SEMA3A: variants seen among roughly 807,000 people sequenced by gnomAD.
The protein encoded by SEMA3A is semaphorin-3A.
A neutral mutation model predicts 97.9 loss-of-function variants in SEMA3A; 29 were observed. The ratio of observed to expected loss-of-function variants is 0.30; its 90% CI spans 0.22 to 0.40. The LOEUF (loss-of-function observed/expected upper bound fraction) is 0.40, where lower values mean the gene tolerates loss of function less well. SEMA3A is among the 10% of genes least tolerant of loss of function. The pLI, the probability that SEMA3A is intolerant of heterozygous loss-of-function variation, is 1.00. For missense variants in SEMA3A, 763 were observed against 951.3 expected (o/e 0.80, Z 2.60); for synonymous variants, 321 against 323.7 (o/e 0.99, Z 0.09).
intron 1 of SEMA3A, among the ~76,000 whole-genome samples, chr7:84,387,044 T>C (rs1803416886): frequency 6.6e-6 from 1 of 151,976 alleles, no homozygotes; most frequent in African/African-American, 2.4e-5. Flanking sequence ...AATTATAGCT[T>C]ATTAGCTGTG....
At chr7:84,468,161 T>A (rs1806053395) in intron 1 of SEMA3A, among the ~76,000 whole-genome samples, 1 of 152,228 alleles carries the variant, frequency 6.6e-6, no homozygotes, top group Non-Finnish European at 1.5e-5. Flanking sequence ...GTTGGTAGCA[T>A]CCACTACTGT....
At chr7:84,252,078 T>C (rs1464814975) in intron 3 of SEMA3A, among the ~76,000 whole-genome samples, 1 of 152,134 alleles carries the variant, frequency 6.6e-6, no homozygotes, top group Non-Finnish European at 1.5e-5. Context: ...TGAATACTCA[T>C]CCGAATCCAG....
chr7:84,206,112 A>G (rs1482646278), intron 3 of SEMA3A, among the ~76,000 whole-genome samples: 2 of 152,164 alleles, frequency 1.3e-5, no homozygotes, highest in African/African-American at 4.8e-5. Context: ...CAGCTAGATC[A>G]TATTGCCTTT....
Position 84,116,441 on chromosome 7 carries a change from A to G in SEMA3A, c.334-5852T>C, listed in dbSNP as rs536785003. Among the ~76,000 whole-genome samples the G allele has an allele frequency of 7.2e-5, 11 of 152,306 alleles. No individual in the cohort carries two copies. The South Asian group carries it at 1.9e-3, about 26-fold the overall frequency. ...TTTTACAATATAAAAAGGTTTGAAA[A>G]GAAGTCAAATGCCCATAGGGTAAAT... On this transcript the variant is annotated intron_variant, in intron 3 of 16. Transcript: ENST00000265362.
chr7:84,317,168 A>G (rs1233543218), intron 2 of SEMA3A, among the ~76,000 whole-genome samples: 1 of 152,198 alleles, frequency 6.6e-6, no homozygotes, highest in Non-Finnish European at 1.5e-5. Flanking sequence ...TTATGGGAGT[A>G]TACAGATTCT....
chr7:84,359,360 T>C (rs972941832), intron 2 of SEMA3A, among the ~76,000 whole-genome samples: 1 of 152,182 alleles, frequency 6.6e-6, no homozygotes, highest in Non-Finnish European at 1.5e-5. Flanking sequence ...GGTTGTTGAA[T>C]TTTGTCAAAG....
chr7:84,025,329 C>A (rs1026358482), intron 6 of SEMA3A, among the ~76,000 whole-genome samples: 3 of 152,216 alleles, frequency 2.0e-5, no homozygotes, highest in African/African-American at 7.2e-5. Flanking sequence ...ATAATTATCA[C>A]CAGATGACTG....
chr7:84,004,227 G>A (rs1427876504), intron 11 of SEMA3A, among the ~76,000 whole-genome samples: 1 of 151,580 alleles, frequency 6.6e-6, no homozygotes, highest in Non-Finnish European at 1.5e-5. Context: ...ATTTGTAACC[G>A]GGACTTTCAA....
intron 3 of SEMA3A, among the ~76,000 whole-genome samples, chr7:84,206,550 C>T (rs933769416): frequency 1.3e-5 from 2 of 152,044 alleles, no homozygotes; most frequent in Non-Finnish European, 2.9e-5. Flanking sequence ...TTGCGATCTC[C>T]TGACCTCGTG....
intron 1 of SEMA3A, among the ~76,000 whole-genome samples, chr7:84,449,882 A>C (rs949946532): frequency 6.6e-6 from 1 of 152,156 alleles, no homozygotes; most frequent in Non-Finnish European, 1.5e-5. Context: ...ATATCCTCAA[A>C]GTCCATCCAC....
chr7:84,224,944 CT>C, intron 3 of SEMA3A, among the ~76,000 whole-genome samples: 1 of 151,528 alleles, frequency 6.6e-6, no homozygotes, highest in Non-Finnish European at 1.5e-5. Flanking sequence ...TAAGATGATC[CT>C]GCTTTATAGC....
intron 3 of SEMA3A, among the ~76,000 whole-genome samples, chr7:84,127,765 T>C (rs2116013367): frequency 6.6e-6 from 1 of 152,306 alleles, no homozygotes; most frequent in East Asian, 1.9e-4. Context: ...TACATCATTG[T>C]AGGCAACTGT....
chr7:84,080,139 T>C (rs1307150173), intron 4 of SEMA3A, among the ~76,000 whole-genome samples: 2 of 116,342 alleles, frequency 1.7e-5, no homozygotes, highest in Non-Finnish European at 3.3e-5. Flanking sequence ...CACTCATAGA[T>C]GGGAATTGAA....
chr7:84,306,756 C>A (rs1801166031), intron 3 of SEMA3A: 1 of 152,098 alleles, frequency 6.6e-6, no homozygotes, highest in South Asian at 2.1e-4. Context: ...ACTGACTTCA[C>A]CCTGAGTGTG....
chr7:84,048,320 T>C (rs1792442861), intron 5 of SEMA3A, among the ~76,000 whole-genome samples: 1 of 152,028 alleles, frequency 6.6e-6, no homozygotes, highest in African/African-American at 2.4e-5. Flanking sequence ...AAAAATGTTA[T>C]GATAACCTAT....
At chr7:84,150,426 G>A (rs986343207) in intron 1 of SEMA3A, among the ~76,000 whole-genome samples, 10 of 152,198 alleles carry the variant, frequency 6.6e-5, no homozygotes, top group Admixed American at 2.6e-4. Flanking sequence ...TGCCTCACTC[G>A]GGAAGCGCAA....
At chr7:84,468,100 G>A (rs1004181320) in intron 1 of SEMA3A, among the ~76,000 whole-genome samples, 3 of 152,102 alleles carry the variant, frequency 2.0e-5, no homozygotes, top group African/African-American at 7.2e-5. Context: ...CTAGTCCAAC[G>A]AACTCATTGA....
At chr7:84,201,960 C>T (rs368376910) in intron 3 of SEMA3A, among the ~76,000 whole-genome samples, 12 of 152,220 alleles carry the variant, frequency 7.9e-5, no homozygotes, top group Middle Eastern at 3.4e-3. Context: ...GAGACAAAAA[C>T]GATGTTCTCC....
intron 15 of SEMA3A, among the ~76,000 whole-genome samples, chr7:83,972,328 T>C (rs1443842560): frequency 1.3e-5 from 2 of 151,912 alleles, no homozygotes; most frequent in Admixed American, 6.6e-5. Context: ...ATATGCTTCG[T>C]ATAGGGCAGG....
Sources: gnomAD v4.1 joint callset for allele counts (sites outside exome capture counted in the v4.1 genomes callset) on GRCh38, gnomAD v4.1.1 for gene constraint, MANE v1.5 for transcripts, NCBI Gene and HGNC (gene_info 2026-07-23, HGNC 2026-07-21) for gene names.